EYS: variants seen among roughly 807,000 people sequenced by gnomAD.
The protein encoded by EYS is EGF-like photoreceptor maintenance factor.
In EYS, 250 loss-of-function variants were observed where a neutral mutation model predicts 282.1. That is an observed-to-expected ratio of 0.89 (90% CI 0.80 to 0.98). EYS has a LOEUF of 0.98. EYS is among the 50% of genes least tolerant of loss of function. The pLI is 0.00. For missense variants in EYS, 4,016 were observed against 3,709.0 expected (o/e 1.08, Z -2.15); for synonymous variants, 1,355 against 1,282.9 (o/e 1.06, Z -1.20).
At chr6:65,430,567 G>C (rs1333775598) in intron 5 of EYS, among the ~76,000 whole-genome samples, 1 of 152,124 alleles carries the variant, frequency 6.6e-6, no homozygotes, top group Non-Finnish European at 1.5e-5. Context: ...ACACCAGCTG[G>C]GGCAGCTAAG....
At chr6:65,613,141 TTTAA>T (rs1766060760) in intron 2 of EYS, among the ~76,000 whole-genome samples, 1 of 151,912 alleles carries the variant, frequency 6.6e-6, no homozygotes, top group African/African-American at 2.4e-5. Flanking sequence ...GTCTTATAAC[TTTAA>T]TTTTCTTGTC....
intron 12 of EYS, among the ~76,000 whole-genome samples, chr6:65,176,837 C>A (rs188715638): frequency 3.2e-4 from 49 of 151,590 alleles, no homozygotes; most frequent in African/African-American, 1.2e-3. Context: ...CATTAAGTTG[C>A]AGTAAAATAC....
At chr6:64,014,180 A>T (rs1237288085) in intron 33 of EYS, among the ~76,000 whole-genome samples, 2 of 152,158 alleles carry the variant, frequency 1.3e-5, no homozygotes, top group Middle Eastern at 3.2e-3. Flanking sequence ...AAACTCAATT[A>T]GGTAACAAGC....
At chr6:64,701,225 A>T (rs1770776445) in intron 22 of EYS, among the ~76,000 whole-genome samples, 1 of 152,140 alleles carries the variant, frequency 6.6e-6, no homozygotes, top group South Asian at 2.1e-4. Context: ...TTAACTTAAG[A>T]TTAATTAAAG....
At chr6:65,622,104 C>A (rs1024588244) in intron 2 of EYS, among the ~76,000 whole-genome samples, 1 of 152,150 alleles carries the variant, frequency 6.6e-6, no homozygotes, top group South Asian at 2.1e-4. Context: ...AAAGGGATAT[C>A]TAAATGGAGA....
intron 41 of EYS, among the ~76,000 whole-genome samples, chr6:63,732,723 C>T (rs1768812136): frequency 6.6e-6 from 1 of 152,138 alleles, no homozygotes; most frequent in South Asian, 2.1e-4. Flanking sequence ...GGCAACCCTC[C>T]CTATTTCACC....
At chr6:64,903,457 A>C (rs1366772770) in intron 16 of EYS, among the ~76,000 whole-genome samples, 1 of 152,194 alleles carries the variant, frequency 6.6e-6, no homozygotes, top group Non-Finnish European at 1.5e-5. Context: ...ACTAAGAAGC[A>C]TTTAAAGGGA....
intron 26 of EYS, among the ~76,000 whole-genome samples, chr6:64,471,578 T>C (rs1002112695): frequency 2.6e-5 from 4 of 152,032 alleles, no homozygotes; most frequent in Admixed American, 2.6e-4. Context: ...ATGAAATAAA[T>C]TGAAGGGGCC....
intron 2 of EYS, among the ~76,000 whole-genome samples, chr6:65,497,146 A>G (rs1033771443): frequency 5.9e-5 from 9 of 152,082 alleles, no homozygotes; most frequent in African/African-American, 1.9e-4. Flanking sequence ...AAGGTTTAAA[A>G]AATAATTCAA....
At chr6:63,846,348 C>T (rs986711878) in intron 36 of EYS, among the ~76,000 whole-genome samples, 15 of 152,108 alleles carry the variant, frequency 9.9e-5, no homozygotes, top group African/African-American at 3.6e-4. Context: ...CAGGGATACA[C>T]TCCAACAAGC....
intron 29 of EYS, among the ~76,000 whole-genome samples, chr6:64,322,926 C>A (rs1324244414): frequency 6.6e-6 from 1 of 152,004 alleles, no homozygotes; most frequent in African/African-American, 2.4e-5. Flanking sequence ...CAGACATGCT[C>A]TTTTCCACAG....
rs761797334 is a variant in EYS at position 64,066,437 on chromosome 6, C to T, written c.6626G>A (p.Arg2209Lys). Residue 2209 changes from arginine (R) to lysine (K), a missense_variant, in exon 33 of 43, where the codon AGG becomes AAG. Physicochemically the swap from Arg to Lys is conservative, Grantham distance 26 (BLOSUM62 2). Transcript: ENST00000503581. ...QFLHLFLVEG[R>K]PSVKYGCGNS... ...TCCACACCCATATTTAACTGATGGC[C>T]TTCCTTCCACAAGAAATAAATGAAG... The T allele has an allele frequency of 1.7e-5, 27 of 1,549,094 alleles. No homozygotes were observed. Among genetic ancestry groups the T allele is most frequent in the Non-Finnish European group, 2.3e-5 (26 of 1,144,940 alleles).
At chr6:65,695,369 C>T (rs1351833011) in intron 1 of EYS, among the ~76,000 whole-genome samples, 1 of 151,990 alleles carries the variant, frequency 6.6e-6, no homozygotes, top group East Asian at 1.9e-4. Context: ...AGGTATATGG[C>T]TAGTGAAGAG....
At chr6:65,246,204 T>C (rs1012073327) in intron 12 of EYS, among the ~76,000 whole-genome samples, 6 of 152,148 alleles carry the variant, frequency 3.9e-5, no homozygotes, top group African/African-American at 1.4e-4. Flanking sequence ...GAATAGATTA[T>C]TGCACTGATT....
chr6:65,614,285 C>T (rs1251674222), intron 2 of EYS, among the ~76,000 whole-genome samples: 1 of 151,984 alleles, frequency 6.6e-6, no homozygotes, highest in Non-Finnish European at 1.5e-5. Flanking sequence ...CTACACTGTA[C>T]TTCACCAAAA....
At chr6:65,535,815 C>A (rs1767944663) in intron 2 of EYS, among the ~76,000 whole-genome samples, 1 of 152,088 alleles carries the variant, frequency 6.6e-6, no homozygotes, top group African/African-American at 2.4e-5. Flanking sequence ...GTTAATTTCA[C>A]TTAAAAACAC....
chr6:64,334,404 G>A (rs1238135410), intron 29 of EYS, among the ~76,000 whole-genome samples: 2 of 152,078 alleles, frequency 1.3e-5, no homozygotes, highest in Admixed American at 6.6e-5. Context: ...GAAGAAATGT[G>A]TTTACAAAAA....
chr6:63,984,550 A>G lies in EYS; in HGVS notation c.6888T>C (p.His2296=), dbSNP rs1357255596. The G allele has an allele frequency of 3.9e-6, 6 of 1,549,722 alleles. No homozygotes were observed. In the East Asian group the frequency reaches 1.5e-4, roughly 38 times the overall value. The change falls in exon 35 of 43, where the codon CAT becomes CAC. Residue 2296 remains histidine, a synonymous_variant. Transcript: ENST00000503581. ...LGHIPANVQI[H]KKAGPVYGFR... is the part of the protein sequence containing the mutation. The stretch of plus-strand genomic sequence containing the variant: ...ACCCATAAACAGGACCTGCTTTCTT[A>G]TGAATTTGAACATTTGCAGGAATAT...
At chr6:65,346,740 A>G (rs906730264) in intron 9 of EYS, among the ~76,000 whole-genome samples, 1 of 151,864 alleles carries the variant, frequency 6.6e-6, no homozygotes, top group Non-Finnish European at 1.5e-5. Context: ...GAAGAGTTTA[A>G]CAAGAGACAA....
Sources: allele counts gnomAD v4.1 joint callset (sites outside exome capture counted in the v4.1 genomes callset), GRCh38; gene constraint gnomAD v4.1.1; transcripts MANE v1.5; gene names NCBI Gene and HGNC (gene_info 2026-07-23, HGNC 2026-07-21).